Variants in SPON2 observed in about 807,000 individuals in gnomAD.
SPON2 encodes spondin-2.
A neutral mutation model predicts 29.9 loss-of-function variants in SPON2; 32 were observed. The ratio of observed to expected loss-of-function variants is 1.07; its 90% CI spans 0.81 to 1.44. The LOEUF is 1.44. Among genes scored for constraint, SPON2 ranks in the 40% most tolerant of loss-of-function variants. The pLI is 0.00. For synonymous variants in SPON2, 248 were observed against 209.1 expected (o/e 1.19, Z -1.61); for missense variants, 541 against 455.5 (o/e 1.19, Z -1.71).
Position 1,171,128 on chromosome 4 carries a change from G to A in SPON2, c.507C>T (p.Asp169=). The change falls in exon 4 of 6, where the codon GAC becomes GAT. Residue 169 remains aspartate (D), a synonymous_variant. Transcript: ENST00000290902. The part of the protein sequence containing the change: ...PDWFVGVDSL[D]LCDGDRWREQ... ...CCCGCCAACGGTCCCCGTCGCACAG[G>A]TCCAGGCTGTCCACGCCCACGAACC... 6.4e-7 allele frequency: 1 copy of A among 1,553,512 alleles called. No homozygotes were observed. Among genetic ancestry groups the A allele is most frequent in the South Asian group, 1.2e-5 (1 of 84,324 alleles).
At chr4:1,175,562 C>T (rs1727576997), upstream of SPON2, among the ~76,000 whole-genome samples, 2 of 148,918 alleles carry the variant, frequency 1.3e-5, no homozygotes, top group South Asian at 4.3e-4. Context: ...TGGGCCCAGG[C>T]TGTGTGGGGG....
At chr4:1,186,029 G>C (rs371276770) in intron 1 of SPON2, among the ~76,000 whole-genome samples, 1 of 150,184 alleles carries the variant, frequency 6.7e-6, no homozygotes, top group African/African-American at 2.4e-5. Flanking sequence ...CGGATCACGA[G>C]GTCAGGAGAT....
exon 1 of SPON2, chr4:1,195,089 TCCAACCCCGCAGCCGGCGGC>T (rs1560210861): frequency 1.1e-4 from 11 of 102,384 alleles, no homozygotes; most frequent in African/African-American, 1.7e-4. Flanking sequence ...AGCCGGCGGC[TCCAACCCCGCAGCCGGCGGC>T]TCCAACCCCG....
Position 1,167,614 on chromosome 4 carries a change from G to A in SPON2, c.854C>T (p.Ser285Phe), listed in dbSNP as rs771656000. 5.6e-6 allele frequency: 9 copies of A among 1,613,200 alleles called. No individual in the cohort carries two copies. The highest frequency in any genetic ancestry group is 7.6e-6 in the Non-Finnish European group (9 of 1,179,832). ...PLDCEVSLWSSWGLCGGHCGR... is the reference protein window; with the variant it reads ...PLDCEVSLWSFWGLCGGHCGR... ...ACAGTGGCCTCCGCACAGTCCCCAG[G>A]ACGACCACAGGGAGACCTCGCAGTC... Residue 285 changes from serine (S) to phenylalanine (F), a missense_variant, in exon 6 of 6, where the codon TCC becomes TTC. Coordinates refer to ENST00000290902, the MANE Select transcript of SPON2 (RefSeq NM_012445.4).
upstream of SPON2, among the ~76,000 whole-genome samples, chr4:1,176,431 TAGTACATTCATTCATTCACTCACTCACAC>T (rs1257215183): frequency 1.6e-3 from 247 of 152,078 alleles, 3 homozygotes; most frequent in African/African-American, 5.4e-3. Flanking sequence ...CCCATTCAAA[TAGTACATTCATTCATTCACTCACTCACAC>T]AGTACATTCA....
At chr4:1,207,957 C>T (rs1728386882) in exon 1 of SPON2, 1 of 152,564 alleles carries the variant, frequency 6.6e-6, no homozygotes, top group Non-Finnish European at 1.5e-5. Context: ...TGCTTGATGC[C>T]AAGGGGAGCG....
upstream of SPON2, among the ~76,000 whole-genome samples, chr4:1,174,506 A>C (rs573578020): frequency 1.3e-5 from 2 of 150,036 alleles, no homozygotes; most frequent in African/African-American, 2.5e-5. Context: ...AAAAAAACAA[A>C]AAAACAAAAA....
At chr4:1,201,906 C>T (rs1056763119) in intron 1 of SPON2, among the ~76,000 whole-genome samples, 1 of 152,170 alleles carries the variant, frequency 6.6e-6, no homozygotes, top group Non-Finnish European at 1.5e-5. Flanking sequence ...TGAGCCGTGG[C>T]CTCCACAGTG....
chr4:1,184,502 C>T (rs534880260), intron 1 of SPON2, among the ~76,000 whole-genome samples: 9 of 152,210 alleles, frequency 5.9e-5, no homozygotes, highest in Admixed American at 4.6e-4. Flanking sequence ...CTGAAGGGAC[C>T]GCAAGTAGCC....
At chr4:1,183,262 AGAAAG>A (rs1727733678) in intron 1 of SPON2, among the ~76,000 whole-genome samples, 1 of 151,436 alleles carries the variant, frequency 6.6e-6, no homozygotes, top group Non-Finnish European at 1.5e-5. Context: ...AAAACAAAAA[AGAAAG>A]AGAGAGAAAA....
At chr4:1,198,221 G>A (rs1728114960), upstream of SPON2, among the ~76,000 whole-genome samples, 1 of 152,210 alleles carries the variant, frequency 6.6e-6, no homozygotes, top group African/African-American at 2.4e-5. Flanking sequence ...ACCTGCAGCA[G>A]CCATGTTGTC....
At chr4:1,207,586 C>CACCTAACCTTATATTGTTCAAGTCTCATG (rs1560216837) in intron 1 of SPON2, among the ~76,000 whole-genome samples, 3 of 135,240 alleles carry the variant, frequency 2.2e-5, no homozygotes, top group Non-Finnish European at 1.6e-5. Flanking sequence ...CTTACACATG[C>CACCTAACCTTATATTGTTCAAGTCTCATG]TCCAGAGGGT....
intron 1 of SPON2, among the ~76,000 whole-genome samples, chr4:1,194,261 A>G (rs6599289): frequency 0.98 from 148,972 of 152,252 alleles, 72,958 homozygotes; most frequent in East Asian, 1. Flanking sequence ...TGCCAAGGCC[A>G]TGTCATTGGG....
At chr4:1,180,589 G>A (rs1727685930) in intron 1 of SPON2, among the ~76,000 whole-genome samples, 1 of 152,082 alleles carries the variant, frequency 6.6e-6, no homozygotes, top group African/African-American at 2.4e-5. Context: ...TTAAATTTAT[G>A]GTCTTAAATA....
At chr4:1,176,392 T>C (rs571394417), upstream of SPON2, among the ~76,000 whole-genome samples, 1 of 152,022 alleles carries the variant, frequency 6.6e-6, no homozygotes, top group African/African-American at 2.4e-5. Flanking sequence ...CATTCATTCA[T>C]TCACTCACAC....
At chr4:1,184,717 G>A (rs989450236) in intron 1 of SPON2, among the ~76,000 whole-genome samples, 14 of 151,918 alleles carry the variant, frequency 9.2e-5, no homozygotes, top group African/African-American at 2.4e-4. Context: ...GGCAGATCAC[G>A]AGGTCAGGAG....
intron 5 of SPON2, among the ~76,000 whole-genome samples, chr4:1,168,489 C>G (rs1162168622): frequency 6.6e-6 from 1 of 152,250 alleles, no homozygotes; most frequent in African/African-American, 2.4e-5. Context: ...GGTCTGGAAG[C>G]CCTGGCCAGG....
At chr4:1,167,770 CGGG>C (rs969664061) in intron 5 of SPON2, 114 bp from the exon 6 acceptor site, 14 of 1,182,576 alleles carry the variant, frequency 1.2e-5, no homozygotes, top group Non-Finnish European at 1.5e-5. Context: ...GCCCACCCTT[CGGG>C]GGCACTTGCG....
chr4:1,195,104 G>A (rs1373853787), exon 1 of SPON2: 1 of 150,640 alleles, frequency 6.6e-6, no homozygotes, highest in Non-Finnish European at 1.5e-5. Context: ...CCCCGCAGCC[G>A]GCGGCTCCAA....
Sources: gnomAD v4.1 joint callset for allele counts (sites outside exome capture counted in the v4.1 genomes callset) on GRCh38, gnomAD v4.1.1 for gene constraint, MANE v1.5 for transcripts, NCBI Gene and HGNC (gene_info 2026-07-23, HGNC 2026-07-21) for gene names.